STX8: variants seen among roughly 807,000 people sequenced by gnomAD.
STX8 encodes the protein syntaxin 8.
In STX8, 23 loss-of-function variants were observed where a neutral mutation model predicts 37.5. The ratio of observed to expected loss-of-function variants is 0.61; its 90% confidence interval spans 0.44 to 0.87. The LOEUF is 0.87. Among genes scored for constraint, STX8 ranks in the 40% least tolerant of loss-of-function variants. STX8 has a pLI of 0.00. For missense variants in STX8, 313 were observed against 284.7 expected, an observed-to-expected ratio of 1.10 and a Z score of -0.71; for synonymous variants, 115 against 99.1, an observed-to-expected ratio of 1.16 and a Z score of -0.95.
At chr17:9,515,488 G>T (rs947955155) in intron 4 of STX8, among the ~76,000 whole-genome samples, 3 of 149,740 alleles carry the variant, frequency 2.0e-5, no homozygotes, top group Non-Finnish European at 2.9e-5. Context: ...TTTCTTTGAA[G>T]TCTTTCTCTC....
intron 6 of STX8, among the ~76,000 whole-genome samples, chr17:9,421,412 A>ATTTTT (rs60518405): frequency 1.5e-5 from 1 of 65,158 alleles, no homozygotes; most frequent in Non-Finnish European, 2.6e-5. Flanking sequence ...AAAAAAAAAA[A>ATTTTT]TTTTTTTTTT....
At chr17:9,342,314 G>A (rs1482974276) in intron 7 of STX8, among the ~76,000 whole-genome samples, 2 of 152,102 alleles carry the variant, frequency 1.3e-5, no homozygotes, top group Non-Finnish European at 2.9e-5. Flanking sequence ...CCAGGGGTTG[G>A]GGACCCCTGC....
chr17:9,322,993 A>AT (rs1341224699), intron 7 of STX8, among the ~76,000 whole-genome samples: 3 of 151,918 alleles, frequency 2.0e-5, no homozygotes, highest in Non-Finnish European at 2.9e-5. Context: ...TACATATCCG[A>AT]TTTTTTCAGG....
At chr17:9,304,929 G>GAAAAA (rs1567776566) in intron 7 of STX8, among the ~76,000 whole-genome samples, 19 of 96,212 alleles carry the variant, frequency 2.0e-4, no homozygotes, top group African/African-American at 9.3e-4. Context: ...AAAAAAATAT[G>GAAAAA]TATATATATA....
At chr17:9,327,308 AGAAGAAG>A (rs1909803705) in intron 7 of STX8, among the ~76,000 whole-genome samples, 1 of 150,342 alleles carries the variant, frequency 6.7e-6, no homozygotes, top group African/African-American at 2.5e-5. Flanking sequence ...GAAAGAAAGA[AGAAGAAG>A]GAAGAAGGAG....
At chr17:9,352,722 T>C (rs1268162350) in intron 7 of STX8, among the ~76,000 whole-genome samples, 21 of 152,034 alleles carry the variant, frequency 1.4e-4, no homozygotes, top group Non-Finnish European at 7.4e-5. Flanking sequence ...CAGGATGGTC[T>C]CGATCTCCTG....
intron 7 of STX8, among the ~76,000 whole-genome samples, chr17:9,328,475 C>T (rs1909849827): frequency 6.6e-6 from 1 of 152,150 alleles, no homozygotes; most frequent in African/African-American, 2.4e-5. Context: ...GGTCCACACT[C>T]CTTCTGAACG....
chr17:9,431,204 T>A (rs373282236), intron 6 of STX8, among the ~76,000 whole-genome samples: 1 of 148,880 alleles, frequency 6.7e-6, no homozygotes, highest in East Asian at 2.0e-4. Context: ...TCTCATTGGG[T>A]AGTAGCATTT....
At chr17:9,555,519 TTA>T in intron 3 of STX8, 1 of 152,274 alleles carries the variant, frequency 6.6e-6, no homozygotes, top group Middle Eastern at 3.4e-3. Context: ...TAACATGAAT[TTA>T]CACACCTTGC....
At chr17:9,500,735 G>T (rs1904579356) in intron 5 of STX8, among the ~76,000 whole-genome samples, 1 of 152,224 alleles carries the variant, frequency 6.6e-6, no homozygotes, top group Admixed American at 6.5e-5. Context: ...GGGCGTGCTG[G>T]CTCACGCCTG....
chr17:9,268,298 A>G (rs540489483), intron 7 of STX8, among the ~76,000 whole-genome samples: 40 of 151,528 alleles, frequency 2.6e-4, no homozygotes, highest in South Asian at 1.7e-3. Flanking sequence ...AAAAAAAAAA[A>G]AGAGAGAGAG....
At position 9,505,050 on chromosome 17, in the gene STX8, T is replaced by G; in HGVS notation, c.436A>C (p.Lys146Gln). 1.2e-6 allele frequency: 2 copies of G among 1,612,704 alleles called. No homozygotes were observed. The highest frequency in any genetic ancestry group is 1.7e-6 in the Non-Finnish European group (2 of 1,179,478). The change falls in exon 5 of 8, where the codon AAA becomes CAA. Residue 146 changes from lysine (K) to glutamine (Q), a missense_variant. Coordinates refer to ENST00000306357, the MANE Select transcript of STX8 (RefSeq NM_004853.3). ...GFDEIRQQQQKIIQEQDAGLD... is the reference protein window; with the variant it reads ...GFDEIRQQQQQIIQEQDAGLD... ...GGATATTTAGTACCTTGGATAATTT[T>G]CTGCTGCTGTTGCCGGATTTCATCA...
At chr17:9,396,434 G>A (rs576928510) in intron 6 of STX8, among the ~76,000 whole-genome samples, 15 of 152,014 alleles carry the variant, frequency 9.9e-5, no homozygotes, top group African/African-American at 2.7e-4. Context: ...CTGTAATCCC[G>A]CACTTTGGGA....
intron 6 of STX8, among the ~76,000 whole-genome samples, chr17:9,476,110 C>T (rs1216482361): frequency 1.3e-5 from 2 of 152,136 alleles, no homozygotes; most frequent in African/African-American, 4.8e-5. Context: ...AGCCGGGGGG[C>T]GGAGGTTGCA....
chr17:9,353,836 T>A (rs1469011922), intron 7 of STX8, among the ~76,000 whole-genome samples: 1 of 152,200 alleles, frequency 6.6e-6, no homozygotes, highest in East Asian at 1.9e-4. Context: ...TCTCAAGATA[T>A]AACAGAACCT....
intron 4 of STX8, among the ~76,000 whole-genome samples, chr17:9,517,788 TAAAAAAAAA>T (rs11318149): frequency 1.0e-5 from 1 of 98,748 alleles, no homozygotes; most frequent in Non-Finnish European, 2.0e-5. Flanking sequence ...ACCCCTATTG[TAAAAAAAAA>T]AAAAAAAAAA....
Position 9,323,069 on chromosome 17 carries a change from C to T in STX8, c.643+55483G>A, listed in dbSNP as rs75852753. On this transcript the variant is annotated intron_variant, in intron 7 of 7. Coordinates refer to ENST00000306357, the MANE Select transcript of STX8 (RefSeq NM_004853.3). ...CTTAAAAAATAGGGGGTCTTTTCAT[C>T]ACTAGAGAGATGCTAATTTTTATCT... Among the ~76,000 whole-genome samples the T allele has an allele frequency of 6.3e-3, 952 of 152,162 alleles. 15 individuals are homozygous for T. The highest frequency in any genetic ancestry group is 0.021 in the African/African-American group (877 of 41,542).
At chr17:9,425,554 G>A (rs1022045352) in intron 6 of STX8, among the ~76,000 whole-genome samples, 1 of 152,100 alleles carries the variant, frequency 6.6e-6, no homozygotes, top group Non-Finnish European at 1.5e-5. Context: ...GCACGACACG[G>A]ACTTTAAATA....
chr17:9,295,750 C>A (rs992456149), intron 7 of STX8, among the ~76,000 whole-genome samples: 1 of 151,392 alleles, frequency 6.6e-6, no homozygotes, highest in Non-Finnish European at 1.5e-5. Flanking sequence ...CCCCCTCCCC[C>A]CCAAAAAAAG....
Sources: allele counts gnomAD v4.1 joint callset (sites outside exome capture counted in the v4.1 genomes callset), GRCh38; gene constraint gnomAD v4.1.1; transcripts MANE v1.5; gene names NCBI Gene and HGNC (gene_info 2026-07-23, HGNC 2026-07-21).